RPS6KA2: variants seen among roughly 807,000 people sequenced by gnomAD.
RPS6KA2 encodes ribosomal protein S6 kinase A2, also known as ribosomal protein S6 kinase alpha-2.
A neutral mutation model predicts 91.8 loss-of-function variants in RPS6KA2; 42 were observed. That is an observed-to-expected ratio of 0.46 (90% CI 0.36 to 0.59). The LOEUF (loss-of-function observed/expected upper bound fraction) is 0.59, where lower values mean the gene tolerates loss of function less well. RPS6KA2 is among the 20% of genes least tolerant of loss of function. The pLI is 0.00. For synonymous variants in RPS6KA2, 414 were observed against 393.6 expected, an observed-to-expected ratio of 1.05 and a Z score of -0.61; for missense variants, 798 against 978.5, an observed-to-expected ratio of 0.82 and a Z score of 2.46.
chr6:166,489,659 G>C (rs1482066653), intron 9 of RPS6KA2, among the ~76,000 whole-genome samples: 1 of 152,130 alleles, frequency 6.6e-6, no homozygotes, highest in African/African-American at 2.4e-5. Flanking sequence ...CTGACTTGCA[G>C]CTCTCAGTGT....
Position 166,726,247 on chromosome 6 carries a change from C to A in RPS6KA2, c.123+131953G>T, listed in dbSNP as rs1360946667. Reference sequence around the variant, plus strand: ...TGTGGTAGAAGAATAAACTGAAAAGCAGACAGTACCTAGGACAAGGACAGA... The same window carrying A: ...TGTGGTAGAAGAATAAACTGAAAAGAAGACAGTACCTAGGACAAGGACAGA... On this transcript the variant is annotated intron_variant, in intron 2 of 21. Transcript: ENST00000503859. This position sits in a 1 kb window ranked among gnomAD's most constrained non-coding sequence, Gnocchi z 4.4. Among the ~76,000 whole-genome samples the A allele has an allele frequency of 1.3e-5, 2 of 151,946 alleles. No individual in the cohort carries two copies. Among genetic ancestry groups the A allele is most frequent in the Admixed American group, 1.3e-4 (2 of 15,258 alleles).
chr6:166,688,452 G>A (rs1789091837), intron 2 of RPS6KA2, among the ~76,000 whole-genome samples: 2 of 152,230 alleles, frequency 1.3e-5, no homozygotes, highest in South Asian at 2.1e-4. Context: ...GAGGGAGCTG[G>A]CCACGGGTGG....
Position 166,459,402 on chromosome 6 carries a change from G to T in RPS6KA2, c.1075+47C>A. On this transcript the variant is annotated intron_variant, in intron 12 of 20. Coordinates refer to ENST00000265678, the MANE Select transcript of RPS6KA2 (RefSeq NM_021135.6). The surrounding 1 kb of genome is among the most constrained non-coding windows in gnomAD (Gnocchi z 4.9). ...GTTCCTAGATATCTGTCTCTAAGGGGTCAGGTGGGAGAAGCCACCGATAGA... is the reference window on the plus strand; with the variant it reads ...GTTCCTAGATATCTGTCTCTAAGGGTTCAGGTGGGAGAAGCCACCGATAGA... 1 of 1,176,408 alleles carries T rather than the reference G, an allele frequency of 8.5e-7. No homozygotes were observed. 72.9% of individuals were successfully genotyped at this position (1,176,408 alleles called of 1,614,324 possible).
intron 2 of RPS6KA2, among the ~76,000 whole-genome samples, chr6:166,813,283 G>A (rs376521469): frequency 3.9e-5 from 6 of 152,122 alleles, no homozygotes; most frequent in South Asian, 2.1e-4. Context: ...TGGAAGAGCC[G>A]CCCACTGCTT....
At chr6:166,812,652 C>A (rs1423475968) in intron 2 of RPS6KA2, among the ~76,000 whole-genome samples, 1 of 152,188 alleles carries the variant, frequency 6.6e-6, no homozygotes, top group African/African-American at 2.4e-5. Context: ...TCGTGTGGAA[C>A]CTGACCCTCT....
intron 8 of RPS6KA2, among the ~76,000 whole-genome samples, chr6:166,496,266 C>T (rs544201050): frequency 3.9e-5 from 6 of 151,976 alleles, no homozygotes; most frequent in Admixed American, 1.3e-4. Flanking sequence ...AGGAGAATGG[C>T]TTGAACCCAG....
chr6:166,428,054 T>C (rs1001143354), intron 16 of RPS6KA2, among the ~76,000 whole-genome samples: 2 of 151,712 alleles, frequency 1.3e-5, no homozygotes, highest in African/African-American at 4.9e-5. Flanking sequence ...CTTCAAACTA[T>C]ACTACAAGGC....
chr6:166,797,314 T>TG (rs910417332), intron 2 of RPS6KA2, among the ~76,000 whole-genome samples: 3 of 151,792 alleles, frequency 2.0e-5, no homozygotes, highest in African/African-American at 7.3e-5. Context: ...GAAATGTTTT[T>TG]TTTTTTTAGA....
chr6:166,741,851 G>A (rs1790824618), intron 2 of RPS6KA2, among the ~76,000 whole-genome samples: 1 of 152,222 alleles, frequency 6.6e-6, no homozygotes, highest in Non-Finnish European at 1.5e-5. Context: ...GCCAGGCCGG[G>A]CGCAGTGGCT....
chr6:166,829,099 C>A (rs1182384361), intron 2 of RPS6KA2, among the ~76,000 whole-genome samples: 1 of 152,242 alleles, frequency 6.6e-6, no homozygotes, highest in African/African-American at 2.4e-5. Flanking sequence ...CTCAACATCA[C>A]GAATCATGAG....
chr6:166,443,193 G>A (rs1386572746), intron 14 of RPS6KA2, among the ~76,000 whole-genome samples: 1 of 152,162 alleles, frequency 6.6e-6, no homozygotes, highest in South Asian at 2.1e-4. Context: ...AATACATTTA[G>A]TGTATGGGAC....
chr6:166,605,340 C>T (rs750762440), intron 1 of RPS6KA2, among the ~76,000 whole-genome samples: 4 of 152,082 alleles, frequency 2.6e-5, no homozygotes, highest in South Asian at 2.1e-4. Context: ...AATTAGATTA[C>T]GAGCTCCTTA....
chr6:166,568,007 T>C (rs1015280589), intron 1 of RPS6KA2, among the ~76,000 whole-genome samples: 1 of 152,132 alleles, frequency 6.6e-6, no homozygotes, highest in East Asian at 1.9e-4. Context: ...CTGGGAAACA[T>C]CCTGTCTCAG....
chr6:166,627,316 C>T (rs957048447), upstream of RPS6KA2: 1 of 767,128 alleles, frequency 1.3e-6, no homozygotes, highest in Non-Finnish European at 1.6e-6. Flanking sequence ...TCAGCGCCCG[C>T]CGCTCCGCGC....
chr6:166,810,900 G>T (rs917326303), intron 2 of RPS6KA2, among the ~76,000 whole-genome samples: 2 of 152,166 alleles, frequency 1.3e-5, no homozygotes, highest in Non-Finnish European at 2.9e-5. Flanking sequence ...CTCCACACAA[G>T]ATCACAACCA....
chr6:166,446,314 G>T (rs747442522), intron 14 of RPS6KA2, among the ~76,000 whole-genome samples: 10 of 152,158 alleles, frequency 6.6e-5, no homozygotes, highest in Admixed American at 1.3e-4. Flanking sequence ...AAAAAGTCCC[G>T]GGCCGTTCAT....
intron 4 of RPS6KA2, among the ~76,000 whole-genome samples, chr6:166,509,775 A>G (rs1312596220): frequency 9.2e-5 from 14 of 152,242 alleles, no homozygotes; most frequent in Admixed American, 9.2e-4. Context: ...CAAAGCAGCT[A>G]TGTGGCCTTT....
At chr6:166,668,821 T>C (rs1296022961) in intron 2 of RPS6KA2, among the ~76,000 whole-genome samples, 1 of 144,042 alleles carries the variant, frequency 6.9e-6, no homozygotes, top group Admixed American at 7.0e-5. Flanking sequence ...CTTCCCTCCA[T>C]CCCTCCCTCC....
intron 1 of RPS6KA2, chr6:166,862,047 T>G (rs1218142675): frequency 1.2e-6 from 2 of 1,609,310 alleles, no homozygotes; most frequent in Non-Finnish European, 1.7e-6. Flanking sequence ...GAGCAATGCA[T>G]TGGCTGCAGA....
Sources: allele counts gnomAD v4.1 joint callset (sites outside exome capture counted in the v4.1 genomes callset), GRCh38; gene constraint gnomAD v4.1.1; non-coding constraint Gnocchi (gnomAD v3.1); transcripts MANE v1.5; gene names NCBI Gene and HGNC (gene_info 2026-07-23, HGNC 2026-07-21).